CDH20: variants seen among roughly 807,000 people sequenced by gnomAD.
The protein encoded by CDH20 is cadherin-20.
Under a neutral mutation model 74.2 loss-of-function variants are expected in CDH20, and 29 were observed. That is an observed-to-expected ratio of 0.39 (90% CI 0.29 to 0.53). The LOEUF (loss-of-function observed/expected upper bound fraction) is 0.53, where lower values mean the gene tolerates loss of function less well. CDH20 is among the 20% of genes least tolerant of loss of function. CDH20 has a pLI of 0.69. For synonymous variants in CDH20, 469 were observed against 405.4 expected (o/e 1.16, Z -1.88); for missense variants, 988 against 1,048.3 (o/e 0.94, Z 0.79).
intron 9 of CDH20, among the ~76,000 whole-genome samples, chr18:61,540,472 G>A (rs1045482337): frequency 6.6e-6 from 1 of 152,116 alleles, no homozygotes; most frequent in Non-Finnish European, 1.5e-5. Flanking sequence ...ACGGTGGAAG[G>A]CGAAAGGCAC....
chr18:61,479,018 G>A (rs1230854241), intron 1 of CDH20, among the ~76,000 whole-genome samples: 1 of 151,890 alleles, frequency 6.6e-6, no homozygotes, highest in Non-Finnish European at 1.5e-5. Flanking sequence ...TGTGTACACT[G>A]ATATATCCAT....
chr18:61,426,484 G>A (rs1445222044), intron 1 of CDH20, among the ~76,000 whole-genome samples: 1 of 152,132 alleles, frequency 6.6e-6, no homozygotes, highest in Non-Finnish European at 1.5e-5. Context: ...TAGCAAACTG[G>A]CAAGGGAGCC....
intron 1 of CDH20, chr18:61,404,927 T>G (rs1599062442): frequency 7.1e-6 from 5 of 703,246 alleles, no homozygotes; most frequent in East Asian, 2.7e-5. Context: ...TGATAGCCAG[T>G]GTGCATACTC....
chr18:61,489,466 G>A (rs894223294), intron 1 of CDH20, among the ~76,000 whole-genome samples: 9 of 151,836 alleles, frequency 5.9e-5, no homozygotes, highest in African/African-American at 2.2e-4. Context: ...TGAGTGTTAT[G>A]CCATCTCATT....
At chr18:61,390,972 C>T (rs1046403185) in intron 1 of CDH20, among the ~76,000 whole-genome samples, 24 of 151,998 alleles carry the variant, frequency 1.6e-4, no homozygotes, top group African/African-American at 5.6e-4. Context: ...AGATGACAGA[C>T]TCTACTTAGA....
At position 61,555,576 on chromosome 18, in the gene CDH20, A is replaced by G. The variant is rs560865210; in HGVS notation, c.*881A>G. 6 of 985,264 alleles carry G rather than the reference A, an allele frequency of 6.1e-6. No homozygotes were observed. The highest frequency in any genetic ancestry group is 7.2e-6 in the Non-Finnish European group (6 of 829,794). 61.0% of individuals were successfully genotyped at this position (985,264 alleles called of 1,614,324 possible). On this transcript the variant is annotated 3_prime_UTR_variant, in exon 12 of 12. Transcript: ENST00000262717. ...AAAGCATGGGTTAGAGGGCTTTCCTAATCTGTGTGAGGTCAATCCAAGGGA... is the reference window on the plus strand; with the variant it reads ...AAAGCATGGGTTAGAGGGCTTTCCTGATCTGTGTGAGGTCAATCCAAGGGA...
At position 61,539,155 on chromosome 18, in the gene CDH20, C is replaced by T. The variant is rs145965890; in HGVS notation, c.1530+10C>T. ...CGCCAAGGCAGGACAGGTAAGGTGG[C>T]CTGTGGGTGGTGCACTCTGCTTAAC... is the stretch of plus-strand genomic sequence containing the variant. On this transcript the variant is annotated intron_variant, in intron 9 of 11. Transcript: ENST00000262717. 9.0e-5 allele frequency: 145 copies of T among 1,613,650 alleles called. No homozygotes were observed. Among genetic ancestry groups the T allele is most frequent in the Non-Finnish European group, 1.2e-4 (143 of 1,179,846 alleles).
At chr18:61,412,335 G>T (rs888659212) in intron 1 of CDH20, among the ~76,000 whole-genome samples, 1 of 152,144 alleles carries the variant, frequency 6.6e-6, no homozygotes. Context: ...ATTTTGTTAT[G>T]TTACAGAAAG....
intron 6 of CDH20, among the ~76,000 whole-genome samples, chr18:61,508,559 A>G (rs1009788532): frequency 6.6e-6 from 1 of 152,214 alleles, no homozygotes; most frequent in Non-Finnish European, 1.5e-5. Context: ...ATAATGGAAT[A>G]CTACACAGCC....
intron 1 of CDH20, among the ~76,000 whole-genome samples, chr18:61,414,088 A>T (rs1165009325): frequency 6.6e-6 from 1 of 152,140 alleles, no homozygotes; most frequent in Non-Finnish European, 1.5e-5. Flanking sequence ...CTTATGAATG[A>T]GTCTTCTTGT....
At chr18:61,369,415 T>C (rs1910960901) in intron 1 of CDH20, among the ~76,000 whole-genome samples, 1 of 152,108 alleles carries the variant, frequency 6.6e-6, no homozygotes. Flanking sequence ...TAATATATAT[T>C]CAAACTAAAT....
At chr18:61,396,719 G>A (rs780753835) in intron 1 of CDH20, among the ~76,000 whole-genome samples, 10 of 152,322 alleles carry the variant, frequency 6.6e-5, no homozygotes, top group Non-Finnish European at 1.5e-4. Context: ...ATGTGCAAGA[G>A]ACCAACTTTA....
At chr18:61,493,334 A>G (rs1437129363) in intron 2 of CDH20, among the ~76,000 whole-genome samples, 1 of 152,052 alleles carries the variant, frequency 6.6e-6, no homozygotes, top group Non-Finnish European at 1.5e-5. Flanking sequence ...TCTCCCTGTG[A>G]AAAGACTCTT....
intron 1 of CDH20, among the ~76,000 whole-genome samples, chr18:61,407,010 G>A (rs1001822006): frequency 6.6e-6 from 1 of 152,184 alleles, no homozygotes; most frequent in Non-Finnish European, 1.5e-5. Flanking sequence ...TTTACCATGT[G>A]GTACATACTT....
intron 1 of CDH20, among the ~76,000 whole-genome samples, chr18:61,485,343 G>A (rs1486191298): frequency 6.6e-6 from 1 of 152,162 alleles, no homozygotes; most frequent in Non-Finnish European, 1.5e-5. Context: ...AAGTTGGGAG[G>A]AGGGGTGTGG....
At chr18:61,457,513 C>T (rs1909612935) in intron 1 of CDH20, among the ~76,000 whole-genome samples, 3 of 152,082 alleles carry the variant, frequency 2.0e-5, no homozygotes, top group African/African-American at 7.2e-5. Flanking sequence ...TACTTAACCA[C>T]CATGAATATG....
At position 61,520,371 on chromosome 18, in the gene CDH20, T is replaced by C. The variant is rs530110924; in HGVS notation, c.1018-7596T>C. Among the ~76,000 whole-genome samples, 8 of 148,048 alleles carry C rather than the reference T, an allele frequency of 5.4e-5. No homozygotes were observed. In the South Asian group the frequency reaches 1.7e-3, roughly 32 times the overall value. On this transcript the variant is annotated intron_variant, in intron 6 of 11. Transcript: ENST00000262717. ...CATTACAGAATGGTAAAGGTATCAA[T>C]GCAACAAGAATAGCTAACTATCCTA... is the stretch of plus-strand genomic sequence containing the variant.
intron 1 of CDH20, among the ~76,000 whole-genome samples, chr18:61,458,661 C>T (rs914416146): frequency 2.0e-5 from 3 of 152,158 alleles, no homozygotes; most frequent in Admixed American, 6.6e-5. Context: ...CTAAAGGGCC[C>T]TATAGGCAGC....
chr18:61,478,399 T>C (rs1199097174), intron 1 of CDH20, among the ~76,000 whole-genome samples: 1 of 152,154 alleles, frequency 6.6e-6, no homozygotes, highest in African/African-American at 2.4e-5. Flanking sequence ...ATATAAAATA[T>C]AACAATTTCT....
Sources: allele counts gnomAD v4.1 joint callset (sites outside exome capture counted in the v4.1 genomes callset), GRCh38; gene constraint gnomAD v4.1.1; transcripts MANE v1.5; gene names NCBI Gene and HGNC (gene_info 2026-07-23, HGNC 2026-07-21).